The following TRERF1 variants were observed in gnomAD, a reference collection of about 807,000 sequenced individuals.
TRERF1 encodes the protein transcriptional-regulating factor 1.
A neutral mutation model predicts 122.9 loss-of-function variants in TRERF1; 27 were observed. That is an observed-to-expected ratio of 0.22 (90% CI 0.16 to 0.30). The LOEUF (loss-of-function observed/expected upper bound fraction) is 0.30, where lower values mean the gene tolerates loss of function less well. Among genes scored for constraint, TRERF1 ranks in the 10% least tolerant of loss-of-function variants. The pLI is 1.00. For synonymous variants in TRERF1, 636 were observed against 641.7 expected (o/e 0.99, Z 0.13); for missense variants, 1,248 against 1,560.3 (o/e 0.80, Z 3.37).
chr6:42,362,602 G>C (rs1771978809), intron 3 of TRERF1, among the ~76,000 whole-genome samples: 1 of 152,224 alleles, frequency 6.6e-6, no homozygotes, highest in South Asian at 2.1e-4. Context: ...GGCCAGCTAA[G>C]GCTCCTGAGT....
rs1018461357 is a variant in TRERF1 at position 42,232,045 on chromosome 6, G to A, written c.3278+636C>T. On this transcript the variant is annotated intron_variant, in intron 17 of 17. Coordinates refer to ENST00000372922, the Ensembl canonical transcript of TRERF1. This position sits in a 1 kb window ranked among gnomAD's most constrained non-coding sequence, Gnocchi z 4.5. ...TGTTAGCTATTATAATTACTATCTC[G>A]TTACTTTTTTTCTTTAGCTGTTGTT... Among the ~76,000 whole-genome samples the A allele has an allele frequency of 2.6e-5, 4 of 152,062 alleles. No individual in the cohort carries two copies. Among genetic ancestry groups the A allele is most frequent in the Non-Finnish European group, 5.9e-5 (4 of 68,032 alleles).
At chr6:42,353,101 T>G (rs1476456743) in intron 3 of TRERF1, among the ~76,000 whole-genome samples, 1 of 151,922 alleles carries the variant, frequency 6.6e-6, no homozygotes, top group Non-Finnish European at 1.5e-5. Context: ...AGCCCAGGAG[T>G]TCGAGGCTGC....
chr6:42,337,407 G>T (rs1000183090), intron 3 of TRERF1, among the ~76,000 whole-genome samples: 9 of 152,190 alleles, frequency 5.9e-5, no homozygotes, highest in Admixed American at 5.2e-4. Context: ...GCAGGTCTGA[G>T]GCCCCTGCGG....
At chr6:42,410,079 T>C (rs1780890556) in intron 2 of TRERF1, among the ~76,000 whole-genome samples, 1 of 152,204 alleles carries the variant, frequency 6.6e-6, no homozygotes, top group Non-Finnish European at 1.5e-5. Context: ...TTCTTTCTAT[T>C]AATATTGGCC....
At chr6:42,262,599 G>C in intron 8 of TRERF1, among the ~76,000 whole-genome samples, 1 of 143,886 alleles carries the variant, frequency 6.9e-6, no homozygotes, top group African/African-American at 2.6e-5. Context: ...GAGAGAGAGA[G>C]ACAGACAGAC....
Position 42,268,373 on chromosome 6 carries a change from C to T in TRERF1, c.1218G>A (p.Gln406=), listed in dbSNP as rs368792557. Residue 406 remains glutamine (Q), a synonymous_variant, in exon 5 of 18, where the codon CAG becomes CAA. Coordinates refer to ENST00000372922, the Ensembl canonical transcript of TRERF1. The surrounding 1 kb of genome is among the most constrained non-coding windows in gnomAD (Gnocchi z 4.4). ...GTCTGTCACTAGAGTAGGTCTTCAG[C>T]TGACTGTCCTCACGCTGCTGGTGCT... 6 of 1,532,296 alleles carry T rather than the reference C, an allele frequency of 3.9e-6. No individual in the cohort carries two copies. The highest frequency in any genetic ancestry group is 5.3e-6 in the Non-Finnish European group (6 of 1,141,616). The allele number at this position is 1,532,296 out of a possible 1,614,324, so 94.9% of individuals were successfully genotyped here.
At chr6:42,321,569 C>T (rs945147853) in intron 3 of TRERF1, among the ~76,000 whole-genome samples, 2 of 152,174 alleles carry the variant, frequency 1.3e-5, no homozygotes, top group African/African-American at 4.8e-5. Flanking sequence ...ATGCCTTCAG[C>T]GTCATGCAAG....
At chr6:42,372,233 T>A (rs1253668333) in intron 2 of TRERF1, among the ~76,000 whole-genome samples, 1 of 152,180 alleles carries the variant, frequency 6.6e-6, no homozygotes, top group Non-Finnish European at 1.5e-5. Context: ...AAGCTCCTAC[T>A]AGAGTCAGCT....
intron 13 of TRERF1, 78 bp downstream of exon 13, chr6:42,254,773 G>A: frequency 1.5e-6 from 2 of 1,342,216 alleles, no homozygotes; most frequent in Non-Finnish European, 2.1e-6. Context: ...GTTATCCATT[G>A]CTAGAAAGTG....
chr6:42,300,320 A>G (rs965083168), intron 4 of TRERF1, among the ~76,000 whole-genome samples: 4 of 152,170 alleles, frequency 2.6e-5, no homozygotes, highest in African/African-American at 9.7e-5. Flanking sequence ...CCTGTCTCAG[A>G]GATTTTTTCA....
chr6:42,423,429 C>T (rs1018889680), intron 2 of TRERF1, among the ~76,000 whole-genome samples: 2 of 152,156 alleles, frequency 1.3e-5, no homozygotes, highest in African/African-American at 4.8e-5. Context: ...GGAACCAAAC[C>T]GAGAAGGCCC....
intron 3 of TRERF1, among the ~76,000 whole-genome samples, chr6:42,330,305 G>GGAGGAAA (rs1765031891): frequency 6.6e-6 from 1 of 152,164 alleles, no homozygotes; most frequent in Non-Finnish European, 1.5e-5. Context: ...GCAAGAATGT[G>GGAGGAAA]GAGGAAACAT....
chr6:42,349,393 TTTC>T (rs1353029519), intron 3 of TRERF1, among the ~76,000 whole-genome samples: 2 of 151,968 alleles, frequency 1.3e-5, no homozygotes, highest in Non-Finnish European at 2.9e-5. Context: ...GCCAATACAT[TTTC>T]TTCTTCTGCT....
chr6:42,243,094 T>A (rs1334144174), intron 15 of TRERF1, among the ~76,000 whole-genome samples, 154 bp downstream of exon 15: 2 of 152,006 alleles, frequency 1.3e-5, no homozygotes, highest in Non-Finnish European at 2.9e-5. Flanking sequence ...CTCAGGAGGG[T>A]AGGTCCTGAA....
At chr6:42,238,835 T>TCACACACACACACACA (rs58223539) in intron 15 of TRERF1, among the ~76,000 whole-genome samples, 48 of 143,126 alleles carry the variant, frequency 3.4e-4, no homozygotes, top group South Asian at 1.2e-3. Context: ...ATCATGCATT[T>TCACACACACACACACA]CACACACACA....
chr6:42,293,897 C>T (rs556135203), intron 4 of TRERF1, among the ~76,000 whole-genome samples: 21 of 152,266 alleles, frequency 1.4e-4, no homozygotes, highest in East Asian at 5.8e-4. Flanking sequence ...TAAAGTTGGA[C>T]CTGAGGAGCT....
chr6:42,391,684 C>T (rs954409013), intron 2 of TRERF1, among the ~76,000 whole-genome samples: 1 of 152,142 alleles, frequency 6.6e-6, no homozygotes, highest in African/African-American at 2.4e-5. Context: ...CTGCTGGCCA[C>T]CACAGAGCTC....
intron 8 of TRERF1, among the ~76,000 whole-genome samples, chr6:42,261,056 C>G (rs1049297826): frequency 6.6e-6 from 1 of 152,008 alleles, no homozygotes; most frequent in African/African-American, 2.4e-5. Context: ...CGCCTCACCC[C>G]CAGGGGACCC....
chr6:42,302,502 C>T (rs1351578021), intron 3 of TRERF1, among the ~76,000 whole-genome samples: 1 of 152,230 alleles, frequency 6.6e-6, no homozygotes, highest in African/African-American at 2.4e-5. Flanking sequence ...TGCAAACACA[C>T]ATACACTCTC....
Sources: allele counts gnomAD v4.1 joint callset (sites outside exome capture counted in the v4.1 genomes callset), GRCh38; gene constraint gnomAD v4.1.1; non-coding constraint Gnocchi (gnomAD v3.1); transcripts MANE v1.5; gene names NCBI Gene and HGNC (gene_info 2026-07-23, HGNC 2026-07-21).